COL24A1: variants seen among roughly 807,000 people sequenced by gnomAD.
COL24A1 encodes the protein collagen type XXIV alpha 1 chain, also known as collagen alpha-1(XXIV) chain.
In COL24A1, 224 loss-of-function variants were observed where a neutral mutation model predicts 253.9. The observed-to-expected ratio is 0.88, with a 90% CI of 0.79 to 0.99. COL24A1 has a LOEUF of 0.99. Among genes scored for constraint, COL24A1 ranks in the 50% least tolerant of loss-of-function variants. COL24A1 has a pLI of 0.00. For missense variants in COL24A1, 2,131 were observed against 2,068.5 expected, an observed-to-expected ratio of 1.03 and a Z score of -0.59; for synonymous variants, 685 against 673.7, an observed-to-expected ratio of 1.02 and a Z score of -0.26.
chr1:85,813,852 CATTCAGGTCTTTGA>C (rs1161202789), intron 47 of COL24A1, among the ~76,000 whole-genome samples: 2 of 152,112 alleles, frequency 1.3e-5, no homozygotes, highest in Non-Finnish European at 2.9e-5. Flanking sequence ...CGCCCGGCCT[CATTCAGGTCTTTGA>C]ATCTTGAAAA....
chr1:85,884,085 T>C (rs1232359217), intron 32 of COL24A1, among the ~76,000 whole-genome samples: 3 of 152,204 alleles, frequency 2.0e-5, no homozygotes, highest in African/African-American at 7.2e-5. Context: ...CATTTCTTGC[T>C]GGTCTGCTAG....
At chr1:85,964,874 T>C in intron 23 of COL24A1, 135 bp downstream of exon 23, 1 of 666,912 alleles carries the variant, frequency 1.5e-6, no homozygotes, top group South Asian at 2.4e-5. Flanking sequence ...GATTCTCAGT[T>C]GCTCTTTGTA....
chr1:86,017,893 T>C (rs541357460), intron 18 of COL24A1, among the ~76,000 whole-genome samples: 1 of 152,310 alleles, frequency 6.6e-6, no homozygotes, highest in African/African-American at 2.4e-5. Flanking sequence ...TAGACTGTTT[T>C]CATCCTTTAA....
In COL24A1 at chr1:86,121,354, A is replaced by T. The variant is rs371273189; in HGVS notation, c.1491+3491T>A. On this transcript the variant is annotated intron_variant, in intron 3 of 59. Transcript: ENST00000370571. ...ATTTTTAAAGCATTAATTCACTAAC[A>T]GTATCCTTTTTTATTAGCACATAAT... Among the ~76,000 whole-genome samples the T allele has an allele frequency of 5.3e-5, 8 of 152,158 alleles. No homozygotes were observed. In the East Asian group the frequency reaches 5.8e-4, roughly 11 times the overall value.
At chr1:85,918,950 C>A (rs1686181485) in intron 24 of COL24A1, among the ~76,000 whole-genome samples, 1 of 152,170 alleles carries the variant, frequency 6.6e-6, no homozygotes, top group East Asian at 1.9e-4. Context: ...ATTTGGAGTG[C>A]CCGTCACCAT....
chr1:85,871,042 A>G (rs1680412841), intron 35 of COL24A1, among the ~76,000 whole-genome samples: 1 of 152,232 alleles, frequency 6.6e-6, no homozygotes, highest in Non-Finnish European at 1.5e-5. Context: ...CAGAAATACA[A>G]ACTACCATCA....
intron 2 of COL24A1, among the ~76,000 whole-genome samples, chr1:86,133,077 G>C (rs1429570890): frequency 6.6e-6 from 1 of 152,070 alleles, no homozygotes; most frequent in Non-Finnish European, 1.5e-5. Flanking sequence ...CGCATCCCTT[G>C]TAAGCTGGAT....
chr1:86,081,456 A>C (rs891889432), intron 7 of COL24A1, among the ~76,000 whole-genome samples: 3 of 152,122 alleles, frequency 2.0e-5, no homozygotes, highest in African/African-American at 7.2e-5. Context: ...GCAGTGTCTC[A>C]TGTCCAGCTA....
At chr1:85,980,200 G>A (rs1693108636) in intron 20 of COL24A1, among the ~76,000 whole-genome samples, 1 of 152,142 alleles carries the variant, frequency 6.6e-6, no homozygotes, top group Non-Finnish European at 1.5e-5. Flanking sequence ...GGTAATAAAA[G>A]CCATCTATGA....
At chr1:86,144,253 T>C (rs926351952) in intron 2 of COL24A1, among the ~76,000 whole-genome samples, 6 of 152,094 alleles carry the variant, frequency 3.9e-5, no homozygotes, top group Non-Finnish European at 8.8e-5. Flanking sequence ...GAGAGAAATA[T>C]GTTGTTTCTT....
chr1:85,933,421 CACACTGTA>C (rs1478211942), intron 24 of COL24A1, among the ~76,000 whole-genome samples: 1 of 152,098 alleles, frequency 6.6e-6, no homozygotes, highest in Non-Finnish European at 1.5e-5. Context: ...TGGGAACCAA[CACACTGTA>C]ACAGGAGAGA....
chr1:85,912,067 T>C (rs1351696504), intron 24 of COL24A1, among the ~76,000 whole-genome samples: 1 of 152,130 alleles, frequency 6.6e-6, no homozygotes, highest in Non-Finnish European at 1.5e-5. Flanking sequence ...AAGAGGAGAA[T>C]AAAAGAGAAG....
chr1:86,149,938 A>C lies in COL24A1; in HGVS notation c.57-3755T>G, dbSNP rs549320020. ...TCTTTCTCTTTGTCTAGTTACAACC[A>C]AAACAAATAGCGAACTGAAAAAGAA... is the stretch of plus-strand genomic sequence containing the variant. On this transcript the variant is annotated intron_variant, in intron 1 of 59. Coordinates refer to ENST00000370571, the MANE Select transcript of COL24A1 (RefSeq NM_152890.7). Among the ~76,000 whole-genome samples, 3 of 152,352 alleles carry C rather than the reference A, an allele frequency of 2.0e-5. No homozygotes were observed. In the South Asian group the frequency reaches 6.2e-4, roughly 32 times the overall value.
chr1:85,996,824 T>C (rs1302113219), intron 19 of COL24A1, among the ~76,000 whole-genome samples: 2 of 151,874 alleles, frequency 1.3e-5, no homozygotes, highest in East Asian at 3.9e-4. Context: ...TCTCTCCCTT[T>C]CAATGTGTGT....
At chr1:86,031,783 C>A in intron 14 of COL24A1, 95 bp downstream of exon 14, 2 of 924,816 alleles carry the variant, frequency 2.2e-6, no homozygotes, top group Non-Finnish European at 3.2e-6. Flanking sequence ...GACAGTAAAA[C>A]CTCTCATTTC....
intron 24 of COL24A1, among the ~76,000 whole-genome samples, chr1:85,958,284 G>T (rs1558800179): frequency 6.6e-6 from 1 of 151,854 alleles, no homozygotes; most frequent in Non-Finnish European, 1.5e-5. Flanking sequence ...CATTCTTTAT[G>T]ATTACTACTT....
intron 5 of COL24A1, among the ~76,000 whole-genome samples, chr1:86,098,533 G>A (rs1426381807): frequency 1.3e-5 from 2 of 152,134 alleles, no homozygotes; most frequent in Non-Finnish European, 2.9e-5. Context: ...CACCACAGGG[G>A]AAACAGTTTG....
chr1:85,862,567 T>A (rs558683818), intron 37 of COL24A1, among the ~76,000 whole-genome samples: 5 of 152,280 alleles, frequency 3.3e-5, no homozygotes, highest in African/African-American at 1.2e-4. Flanking sequence ...CCGTTTGTTT[T>A]GTGTCATGTG....
intron 24 of COL24A1, among the ~76,000 whole-genome samples, chr1:85,918,050 C>T (rs1361886837): frequency 6.6e-6 from 1 of 151,962 alleles, no homozygotes; most frequent in African/African-American, 2.4e-5. Context: ...TGTGATAAAT[C>T]ACCTGTGAAA....
Sources: gnomAD v4.1 joint callset for allele counts (sites outside exome capture counted in the v4.1 genomes callset) on GRCh38, gnomAD v4.1.1 for gene constraint, MANE v1.5 for transcripts, NCBI Gene and HGNC (gene_info 2026-07-23, HGNC 2026-07-21) for gene names.